TTLL10: variants seen among roughly 807,000 people sequenced by gnomAD.
TTLL10 encodes the protein tubulin tyrosine ligase like 10, also known as inactive polyglycylase TTLL10.
In TTLL10, 61 loss-of-function variants were observed where a neutral mutation model predicts 69.0. The observed-to-expected ratio is 0.88, with a 90% CI of 0.72 to 1.09. The LOEUF is 1.09. TTLL10 is among the 50% of genes least tolerant of loss of function. The pLI, the probability that TTLL10 is intolerant of heterozygous loss-of-function variation, is 0.00. For missense variants in TTLL10, 962 were observed against 945.9 expected (o/e 1.02, Z -0.22); for synonymous variants, 408 against 393.3 (o/e 1.04, Z -0.44).
intron 13 of TTLL10, among the ~76,000 whole-genome samples, chr1:1,187,543 T>C (rs1647433973): frequency 6.6e-6 from 1 of 152,022 alleles, no homozygotes; most frequent in African/African-American, 2.4e-5. Context: ...GAAAGAAGAA[T>C]TGCTTGAACC....
At position 1,184,049 on chromosome 1, in the gene TTLL10, C is replaced by T. The variant is rs780432574; in HGVS notation, c.1218C>T (p.Tyr406=). Residue 406 remains tyrosine, a synonymous_variant, in exon 12 of 16, where the codon TAC becomes TAT. Transcript: ENST00000379289. ...HGYARLTLSL[Y]DPHSSDLGGH... is the part of the protein sequence containing the mutation. ...ATGCTCGCCTCACCCTTAGCCTTTA[C>T]GACCCCCATTCCAGCGACCTCGGCG... 3.8e-5 allele frequency: 61 copies of T among 1,614,114 alleles called. No individual in the cohort carries two copies. The highest frequency in any genetic ancestry group is 4.9e-5 in the Non-Finnish European group (58 of 1,180,028).
Position 1,175,343 on chromosome 1 carries a change from G to A in TTLL10, c.-28+854G>A, listed in dbSNP as rs150920557. On this transcript the variant is annotated intron_variant, in intron 3 of 15. Coordinates refer to ENST00000379289, the MANE Select transcript of TTLL10 (RefSeq NM_001130045.2). Reference sequence around the variant, plus strand: ...GTGGGGGGGTGGGTGCTGTGCTTCCGCTTTCTAACTGCCTGTTTCCAAAAA... The same window carrying A: ...GTGGGGGGGTGGGTGCTGTGCTTCCACTTTCTAACTGCCTGTTTCCAAAAA... 902 of 282,596 alleles carry A rather than the reference G, an allele frequency of 3.2e-3. 10 individuals carry two copies. The highest frequency in any genetic ancestry group is 0.014 in the Middle Eastern group (11 of 766). The allele number at this position is 282,596 out of a possible 1,614,324, so 17.5% of individuals were successfully genotyped here.
In TTLL10 at chr1:1,197,856, ACCCGCGCCCAGCGC is replaced by A. The variant is rs1165369055; in HGVS notation, c.*19_*32del. 9.7e-6 allele frequency: 14 copies of A among 1,436,774 alleles called. No individual in the cohort carries two copies. Among genetic ancestry groups the A allele is most frequent in the Admixed American group, 2.8e-5 (1 of 35,704 alleles). The allele number at this position is 1,436,774 out of a possible 1,614,324, so 89.0% of individuals were successfully genotyped here. On this transcript the variant is annotated 3_prime_UTR_variant, in exon 16 of 16. Transcript: ENST00000379289. ...AGAACGCGAGGCCCTAGGGGCAGCC[ACCCGCGCCCAGCGC>A]CCCGCGCCCCGCGCCCCAGCCGTGC... is the stretch of plus-strand genomic sequence containing the variant.
At position 1,181,765 on chromosome 1, in the gene TTLL10, C is replaced by T. The variant is rs774536459; in HGVS notation, c.780C>T (p.Pro260=). ...QARLEKDAAA[P]ALEDLPWTSP... The stretch of plus-strand genomic sequence containing the variant: ...GGCTGGAAAAGGACGCAGCAGCGCC[C>T]GCCCTGGAGGACCTCCCGTGGACAA... The change falls in exon 9 of 16, where the codon CCC becomes CCT. Residue 260 remains proline (P), a synonymous_variant. Transcript: ENST00000379289. This position sits in a 1 kb window ranked among gnomAD's most constrained non-coding sequence, Gnocchi z 4.6. 1.3e-5 allele frequency: 21 copies of T among 1,607,704 alleles called. No homozygotes were observed. The highest frequency in any genetic ancestry group is 3.3e-4 in the Middle Eastern group (2 of 6,068).
rs538573333 is a variant in TTLL10 at position 1,179,270 on chromosome 1, C to A, written c.55C>A (p.Arg19=). The change falls in exon 4 of 16, where the codon CGA becomes AGA. Residue 19 remains arginine, a synonymous_variant. Coordinates refer to ENST00000379289, the MANE Select transcript of TTLL10 (RefSeq NM_001130045.2). The part of the protein sequence containing the change: ...IHRRGPPTRT[R]AGFKRGKRPR... ...CCGCCGGGGACCACCCACTCGGACCCGAGCCGGCTTCAAGAGGGGCAAGAG... is the reference window on the plus strand; with the variant it reads ...CCGCCGGGGACCACCCACTCGGACCAGAGCCGGCTTCAAGAGGGGCAAGAG... 4 of 1,550,920 alleles carry A rather than the reference C, an allele frequency of 2.6e-6. No individual in the cohort carries two copies. The South Asian group carries it at 4.8e-5, about 18-fold the overall frequency.
chr1:1,182,345 C>A lies in TTLL10; in HGVS notation c.831-16C>A. Reference sequence around the variant, plus strand: ...GAAGGGACAGCAGCTCATCCTCCTGCCTCCCTGCCCTGCAGGGTCCTGAGA... The same window carrying A: ...GAAGGGACAGCAGCTCATCCTCCTGACTCCCTGCCCTGCAGGGTCCTGAGA... On this transcript the variant is annotated splice_polypyrimidine_tract_variant and intron_variant, in intron 9 of 15. Coordinates refer to ENST00000379289, the MANE Select transcript of TTLL10 (RefSeq NM_001130045.2). The A allele has an allele frequency of 6.2e-7, 1 of 1,609,330 alleles. No individual in the cohort carries two copies. Among genetic ancestry groups the A allele is most frequent in the Non-Finnish European group, 8.5e-7 (1 of 1,175,886 alleles).
At chr1:1,188,703 C>T (rs187470313) in intron 13 of TTLL10, among the ~76,000 whole-genome samples, 2 of 152,276 alleles carry the variant, frequency 1.3e-5, no homozygotes, top group Admixed American at 1.3e-4. Flanking sequence ...CCACACCCAG[C>T]CTCATCGAAA....
At chr1:1,176,056 C>T (rs1646860667) in intron 3 of TTLL10, 2 of 447,746 alleles carry the variant, frequency 4.5e-6, no homozygotes, top group South Asian at 3.1e-5. Flanking sequence ...GAGGCTGACG[C>T]TGTGCAGGTG....
intron 13 of TTLL10, among the ~76,000 whole-genome samples, chr1:1,196,160 T>C (rs192976385): frequency 1.7e-3 from 258 of 152,334 alleles, no homozygotes; most frequent in African/African-American, 5.9e-3. Flanking sequence ...TTTTTTTTTA[T>C]AAATGAGGTC....
Position 1,197,127 on chromosome 1 carries a change from T to G in TTLL10, c.1553T>G (p.Leu518Arg). 1.9e-6 allele frequency: 3 copies of G among 1,550,966 alleles called. No individual in the cohort carries two copies. In the East Asian group the frequency reaches 7.3e-5, roughly 38 times the overall value. The stretch of plus-strand genomic sequence containing the variant: ...CTGGAGATGAATTCTAACCCAGCCC[T>G]GCACACCAACTGCGAGGTCCTGAAG... Reference protein sequence around the residue: ...WLLEMNSNPALHTNCEVLKEV... With the variant: ...WLLEMNSNPARHTNCEVLKEV... Residue 518 changes from leucine (L) to arginine (R), a missense_variant, in exon 15 of 16, where the codon CTG becomes CGG. Leu to Arg is a moderately radical substitution (Grantham distance 102, BLOSUM62 -2). Transcript: ENST00000379289.
chr1:1,180,382 C>T (rs1204422474), intron 6 of TTLL10, 42 bp downstream of exon 6: 7 of 1,540,666 alleles, frequency 4.5e-6, no homozygotes, highest in Middle Eastern at 1.8e-4. Context: ...ACTGAATACC[C>T]ACCGCCTGCT....
intron 3 of TTLL10, among the ~76,000 whole-genome samples, chr1:1,176,698 T>G (rs1226456544): frequency 6.6e-6 from 1 of 152,166 alleles, no homozygotes; most frequent in East Asian, 1.9e-4. Flanking sequence ...TTCCTCCGGC[T>G]CTGTGCCTGT....
At chr1:1,189,538 T>C (rs1204972856) in intron 13 of TTLL10, among the ~76,000 whole-genome samples, 1 of 152,222 alleles carries the variant, frequency 6.6e-6, no homozygotes, top group African/African-American at 2.4e-5. Flanking sequence ...TTATAAGCAA[T>C]ACTGGTCTGT....
At chr1:1,187,919 A>T (rs1647467952) in intron 13 of TTLL10, among the ~76,000 whole-genome samples, 2 of 150,116 alleles carry the variant, frequency 1.3e-5, no homozygotes, top group African/African-American at 2.4e-5. Context: ...AAAAAAAAAA[A>T]TTGCCAAATC....
In TTLL10 at chr1:1,185,113, C is replaced by T. The variant is rs761863860; in HGVS notation, c.1401+4C>T. On this transcript the variant is annotated splice_donor_region_variant and intron_variant, in intron 13 of 15. Transcript: ENST00000379289. The surrounding 1 kb of genome is among the most constrained non-coding windows in gnomAD (Gnocchi z 6.1). ...CTGGGTCTTCACCACCCTCAAGGTG[C>T]GTCCACTGTGCCCTCCAGTCTGGGA... 21 of 1,612,516 alleles carry T rather than the reference C, an allele frequency of 1.3e-5. No homozygotes were observed. Among genetic ancestry groups the T allele is most frequent in the African/African-American group, 9.4e-5 (7 of 74,862 alleles).
intron 13 of TTLL10, among the ~76,000 whole-genome samples, chr1:1,189,173 A>C (rs975858442): frequency 8.5e-5 from 13 of 152,230 alleles, no homozygotes; most frequent in African/African-American, 2.9e-4. Flanking sequence ...CTTCCAGAAC[A>C]ATGTTGAATA....
chr1:1,177,262 C>G (rs915313665), intron 3 of TTLL10, among the ~76,000 whole-genome samples: 2 of 150,960 alleles, frequency 1.3e-5, no homozygotes, highest in African/African-American at 4.9e-5. Flanking sequence ...CTGTGTGTGT[C>G]TGTGTGTAGC....
In TTLL10 at chr1:1,181,683, C is replaced by T. The variant is rs984959632; in HGVS notation, c.756-58C>T. On this transcript the variant is annotated intron_variant, in intron 8 of 15. Coordinates refer to ENST00000379289, the MANE Select transcript of TTLL10 (RefSeq NM_001130045.2). This position sits in a 1 kb window ranked among gnomAD's most constrained non-coding sequence, Gnocchi z 4.6. ...CATGCCCCATCCCCCAGTCCCCACC[C>T]GCTCCAAGCACCATGAGCTGGCCCC... is the stretch of plus-strand genomic sequence containing the variant. 19 of 1,511,966 alleles carry T rather than the reference C, an allele frequency of 1.3e-5. No homozygotes were observed. The highest frequency in any genetic ancestry group is 1.7e-5 in the Non-Finnish European group (19 of 1,115,496). 93.7% of individuals were successfully genotyped at this position (1,511,966 alleles called of 1,614,324 possible).
At position 1,180,788 on chromosome 1, in the gene TTLL10, T is replaced by G; in HGVS notation, c.683T>G (p.Leu228Arg). ...AAGCTCCTCACCACCAAGATCGGGC[T>G]GCTCAGCACCCTTCGGGGACGGGCA... ...NNKLLTTKIG[L>R]LSTLRGRARA... Residue 228 changes from leucine (L) to arginine (R), a missense_variant, in exon 8 of 16, where the codon CTG becomes CGG. Leu to Arg is a moderately radical substitution (Grantham distance 102, BLOSUM62 -2). Coordinates refer to ENST00000379289, the MANE Select transcript of TTLL10 (RefSeq NM_001130045.2). 6.2e-7 allele frequency: 1 copy of G among 1,607,532 alleles called. No homozygotes were observed. Among genetic ancestry groups the G allele is most frequent in the Non-Finnish European group, 8.5e-7 (1 of 1,177,568 alleles).
Sources: allele counts gnomAD v4.1 joint callset (sites outside exome capture counted in the v4.1 genomes callset), GRCh38; gene constraint gnomAD v4.1.1; non-coding constraint Gnocchi (gnomAD v3.1); transcripts MANE v1.5; gene names NCBI Gene and HGNC (gene_info 2026-07-23, HGNC 2026-07-21).